CNTNAP2: variants seen among roughly 807,000 people sequenced by gnomAD.
CNTNAP2 encodes the protein contactin associated protein 2, also known as contactin-associated protein-like 2.
Under a neutral mutation model 155.2 loss-of-function variants are expected in CNTNAP2, and 98 were observed. The observed-to-expected ratio is 0.63, with a 90% CI of 0.54 to 0.75. The LOEUF (loss-of-function observed/expected upper bound fraction) is 0.75, where lower values mean the gene tolerates loss of function less well. Among genes scored for constraint, CNTNAP2 ranks in the 30% least tolerant of loss-of-function variants. CNTNAP2 has a pLI of 0.00. For missense variants in CNTNAP2, 1,727 were observed against 1,688.1 expected, an observed-to-expected ratio of 1.02 and a Z score of -0.40; for synonymous variants, 651 against 631.2, an observed-to-expected ratio of 1.03 and a Z score of -0.47.
chr7:147,360,693 C>T (rs1271994625), intron 9 of CNTNAP2, among the ~76,000 whole-genome samples: 1 of 152,038 alleles, frequency 6.6e-6, no homozygotes, highest in African/African-American at 2.4e-5. Flanking sequence ...TTTCTGATGT[C>T]TCCATGACCC....
At chr7:147,634,215 C>A (rs1398603723) in intron 12 of CNTNAP2, among the ~76,000 whole-genome samples, 2 of 152,186 alleles carry the variant, frequency 1.3e-5, no homozygotes, top group Admixed American at 6.5e-5. Flanking sequence ...AAAAGTCCAT[C>A]AACCAATGAG....
chr7:146,441,837 T>C (rs1015197550), intron 1 of CNTNAP2, among the ~76,000 whole-genome samples: 1 of 151,524 alleles, frequency 6.6e-6, no homozygotes, highest in Non-Finnish European at 1.5e-5. Context: ...TATTGTCTCT[T>C]TCCCAAGAAG....
At chr7:148,060,915 A>G (rs188410522) in intron 15 of CNTNAP2, among the ~76,000 whole-genome samples, 1 of 152,360 alleles carries the variant, frequency 6.6e-6, no homozygotes, top group Non-Finnish European at 1.5e-5. Flanking sequence ...TGAAATAAAA[A>G]TAGAATTCTC....
intron 1 of CNTNAP2, among the ~76,000 whole-genome samples, chr7:146,671,850 C>A (rs1800313887): frequency 6.6e-6 from 1 of 150,728 alleles, no homozygotes. Context: ...GAGTCTAACT[C>A]TGTCACCCAG....
chr7:148,173,219 G>C lies in CNTNAP2; in HGVS notation c.3010+741G>C, dbSNP rs916328086. 7.2e-5 allele frequency among the ~76,000 whole-genome samples: 11 copies of C among 152,308 alleles called. No individual in the cohort carries two copies. The East Asian group carries it at 7.7e-4, about 11-fold the overall frequency. ...CTGTGATCCTGCTTGACCAGAAGAA[G>C]AAATTGACTCAACTGGTCTGTGGCT... is the stretch of plus-strand genomic sequence containing the variant. On this transcript the variant is annotated intron_variant, in intron 18 of 23. Transcript: ENST00000361727.
chr7:146,308,004 G>A (rs1937358533), intron 1 of CNTNAP2, among the ~76,000 whole-genome samples: 1 of 152,084 alleles, frequency 6.6e-6, no homozygotes, highest in South Asian at 2.1e-4. Flanking sequence ...AAGAGCTTCT[G>A]CACAGCAAAA....
intron 4 of CNTNAP2, among the ~76,000 whole-genome samples, chr7:147,104,476 T>C (rs191718195): frequency 7.2e-5 from 11 of 152,042 alleles, no homozygotes; most frequent in Admixed American, 6.6e-4. Flanking sequence ...TATATTATCA[T>C]TGGTTATTTC....
At chr7:147,222,273 TC>T (rs1299843402) in intron 8 of CNTNAP2, among the ~76,000 whole-genome samples, 1 of 152,076 alleles carries the variant, frequency 6.6e-6, no homozygotes, top group Non-Finnish European at 1.5e-5. Context: ...GTTTTTTTTT[TC>T]AGTTTTTATT....
chr7:148,198,034 C>T (rs567881604), intron 18 of CNTNAP2, among the ~76,000 whole-genome samples: 4 of 152,290 alleles, frequency 2.6e-5, no homozygotes, highest in Non-Finnish European at 4.4e-5. Flanking sequence ...TTTCCCTGCG[C>T]GAATCTCAAC....
chr7:146,225,924 C>T (rs888117514), intron 1 of CNTNAP2, among the ~76,000 whole-genome samples: 2 of 152,172 alleles, frequency 1.3e-5, no homozygotes, highest in Non-Finnish European at 2.9e-5. Context: ...CTTTGTAATC[C>T]AATTCCATTC....
chr7:146,338,631 A>G (rs1801320497), intron 1 of CNTNAP2, among the ~76,000 whole-genome samples: 1 of 152,094 alleles, frequency 6.6e-6, no homozygotes, highest in African/African-American at 2.4e-5. Flanking sequence ...TCATGGCTCA[A>G]CATTTGCTCA....
intron 21 of CNTNAP2, among the ~76,000 whole-genome samples, chr7:148,363,624 T>C (rs1798667613): frequency 6.6e-6 from 1 of 152,192 alleles, no homozygotes; most frequent in Non-Finnish European, 1.5e-5. Flanking sequence ...GCTTTTTTCC[T>C]TGGGTTCCTT....
chr7:146,648,921 T>C lies in CNTNAP2; in HGVS notation c.98-125350T>C, dbSNP rs141114148. Among the ~76,000 whole-genome samples, 486 of 152,212 alleles carry C rather than the reference T, an allele frequency of 3.2e-3. 4 individuals carry two copies. The highest frequency in any genetic ancestry group is 0.011 in the African/African-American group (448 of 41,540). On this transcript the variant is annotated intron_variant, in intron 1 of 23. Coordinates refer to ENST00000361727, the MANE Select transcript of CNTNAP2 (RefSeq NM_014141.6). The stretch of plus-strand genomic sequence containing the variant: ...CATAGGATAATTCCCAATTTAATCA[T>C]ATTAAATCTAATTGTTGGCGGACAG...
At chr7:146,370,260 T>A (rs1443839362) in intron 1 of CNTNAP2, among the ~76,000 whole-genome samples, 708 of 87,618 alleles carry the variant, frequency 8.1e-3, no homozygotes, top group Non-Finnish European at 0.012. Context: ...ATCTCTACTT[T>A]AAAAAAAAAA....
At chr7:147,305,868 T>C (rs1305980782) in intron 9 of CNTNAP2, among the ~76,000 whole-genome samples, 1 of 152,156 alleles carries the variant, frequency 6.6e-6, no homozygotes, top group Non-Finnish European at 1.5e-5. Context: ...CAGGGGAGGA[T>C]CCTTCAACTC....
chr7:146,664,004 A>G, intron 1 of CNTNAP2, among the ~76,000 whole-genome samples: 1 of 152,090 alleles, frequency 6.6e-6, no homozygotes, highest in East Asian at 1.9e-4. Flanking sequence ...AGGCTTTTGT[A>G]GATACTGTTT....
intron 9 of CNTNAP2, among the ~76,000 whole-genome samples, 171 bp from the exon 10 acceptor site, chr7:147,395,434 TAATA>T (rs1359796575): frequency 6.6e-6 from 1 of 152,046 alleles, no homozygotes; most frequent in African/African-American, 2.4e-5. Flanking sequence ...TCTTCCTCTG[TAATA>T]ATCTCACTTT....
intron 3 of CNTNAP2, among the ~76,000 whole-genome samples, chr7:146,843,480 C>T (rs1472441602): frequency 6.6e-6 from 1 of 151,286 alleles, no homozygotes; most frequent in Non-Finnish European, 1.5e-5. Context: ...AGACCCAAAC[C>T]ATATCAGAGA....
chr7:148,106,842 A>G (rs1322302768), intron 15 of CNTNAP2, among the ~76,000 whole-genome samples: 1 of 152,198 alleles, frequency 6.6e-6, no homozygotes, highest in African/African-American at 2.4e-5. Flanking sequence ...TTCTGGAATC[A>G]ATCACATAGC....
Sources: allele counts gnomAD v4.1 joint callset (sites outside exome capture counted in the v4.1 genomes callset), GRCh38; gene constraint gnomAD v4.1.1; transcripts MANE v1.5; gene names NCBI Gene and HGNC (gene_info 2026-07-23, HGNC 2026-07-21).